DGKE: variants seen among roughly 807,000 people sequenced by gnomAD.
DGKE encodes diacylglycerol kinase epsilon.
Under a neutral mutation model 70.0 loss-of-function variants are expected in DGKE, and 53 were observed. The ratio of observed to expected loss-of-function variants is 0.76; its 90% confidence interval spans 0.61 to 0.95. The LOEUF (loss-of-function observed/expected upper bound fraction) is 0.95. Ranked by LOEUF, DGKE falls within the 40% of genes least tolerant of loss-of-function variation. The probability of loss-of-function intolerance (pLI) is 0.00; values close to 1 mark genes in which losing one functional copy is unlikely to be tolerated. For missense variants in DGKE, 655 were observed against 706.9 expected (o/e 0.93, Z 0.83); for synonymous variants, 291 against 257.0 (o/e 1.13, Z -1.27).
chr17:56,851,502 C>T (rs1328439526), intron 7 of DGKE, among the ~76,000 whole-genome samples: 1 of 152,146 alleles, frequency 6.6e-6, no homozygotes. Context: ...TTGAGTGTCC[C>T]GTAGCAAAAG....
At chr17:56,848,973 G>T (rs988984111) in intron 6 of DGKE, 120 bp downstream of exon 6, 1 of 1,414,244 alleles carries the variant, frequency 7.1e-7, no homozygotes, top group Non-Finnish European at 9.7e-7. Flanking sequence ...TATACTAGTT[G>T]TACCTACACA....
chr17:56,844,051 A>ATGT lies in DGKE; in HGVS notation c.497_498insTGT (p.Glu166delinsAspVal). 1 of 1,568,374 alleles carries ATGT rather than the reference A, an allele frequency of 6.4e-7. No individual in the cohort carries two copies. The highest frequency in any genetic ancestry group is 8.6e-7 in the Non-Finnish European group (1 of 1,163,950). On this transcript the variant is annotated protein_altering_variant, in exon 3 of 12. Transcript: ENST00000284061. ...TGGTGCCAGAAAACAGTACATGATG[A>ATGT]GTGCATGAAAAATAGTTTAAAGAAT...
rs1402720870 is a variant in DGKE at position 56,834,988 on chromosome 17, A to G, written c.193A>G (p.Thr65Ala). 1 of 1,612,656 alleles carries G rather than the reference A, an allele frequency of 6.2e-7. No individual in the cohort carries two copies. Among genetic ancestry groups the G allele is most frequent in the Non-Finnish European group, 8.5e-7 (1 of 1,179,986 alleles). Residue 65 changes from threonine (T) to alanine (A), a missense_variant, in exon 2 of 12, where the codon ACG becomes GCG. Physicochemically the swap from Thr to Ala is moderately conservative, Grantham distance 58. Transcript: ENST00000284061. Reference protein sequence around the residue: ...FRKSKHGWRDTDLFSQPTYCC... With the variant: ...FRKSKHGWRDADLFSQPTYCC... ...CAAGAGCAAGCACGGGTGGCGCGAC[A>G]CGGACCTGTTCAGCCAGCCCACCTA...
intron 4 of DGKE, 137 bp from the exon 5 acceptor site, chr17:56,847,785 G>T: frequency 2.1e-6 from 1 of 476,634 alleles, no homozygotes; most frequent in East Asian, 4.0e-5. Context: ...GTCTGGCAGG[G>T]TGCCTGGCAT....
intron 2 of DGKE, among the ~76,000 whole-genome samples, chr17:56,840,152 G>A (rs141170570): frequency 3.9e-5 from 6 of 152,126 alleles, no homozygotes; most frequent in African/African-American, 1.4e-4. Flanking sequence ...CAACAAGAGC[G>A]AAACTCCATC....
At chr17:56,855,777 A>G (rs2144270956) in intron 7 of DGKE, among the ~76,000 whole-genome samples, 1 of 152,206 alleles carries the variant, frequency 6.6e-6, no homozygotes, top group South Asian at 2.1e-4. Context: ...AGGCAGAGGC[A>G]GGCGAATCAC....
chr17:56,857,916 T>C (rs1401566635), intron 8 of DGKE, among the ~76,000 whole-genome samples: 1 of 151,568 alleles, frequency 6.6e-6, no homozygotes, highest in Non-Finnish European at 1.5e-5. Flanking sequence ...CTACTAAAAA[T>C]ACAAAAATTA....
chr17:56,838,520 C>G (rs1332296275), intron 2 of DGKE: 1 of 152,186 alleles, frequency 6.6e-6, no homozygotes, highest in Non-Finnish European at 1.5e-5. Flanking sequence ...TTCACAAAAT[C>G]AGATGGCAGA....
chr17:56,859,360 A>G (rs1462625148), intron 9 of DGKE, among the ~76,000 whole-genome samples: 3 of 151,912 alleles, frequency 2.0e-5, no homozygotes, highest in East Asian at 1.9e-4. Flanking sequence ...AAATGTATAA[A>G]TAGTAAAAAT....
At chr17:56,839,916 C>T (rs1343039359) in intron 2 of DGKE, among the ~76,000 whole-genome samples, 4 of 152,156 alleles carry the variant, frequency 2.6e-5, no homozygotes, top group African/African-American at 9.7e-5. Context: ...CGCAGTGGCT[C>T]ATGCCTGTAA....
chr17:56,853,360 A>C (rs1645573672), intron 7 of DGKE, among the ~76,000 whole-genome samples: 1 of 152,194 alleles, frequency 6.6e-6, no homozygotes, highest in Admixed American at 6.5e-5. Flanking sequence ...AACAAATATC[A>C]AACAAATAAC....
chr17:56,862,312 T>G (rs752751710), intron 11 of DGKE, 61 bp downstream of exon 11: 2 of 1,447,438 alleles, frequency 1.4e-6, no homozygotes, highest in Admixed American at 1.8e-5. Flanking sequence ...GCTGTTGATA[T>G]GTAAAATATA....
intron 7 of DGKE, among the ~76,000 whole-genome samples, chr17:56,855,367 G>T (rs1242347913): frequency 1.3e-5 from 2 of 152,078 alleles, no homozygotes; most frequent in South Asian, 4.2e-4. Context: ...AGGTGCACTT[G>T]AGTAAAGTCA....
rs116997614 is a variant in DGKE, at chr17:56,834,477, G to T, written c.-19+217G>T. Reference sequence around the variant, plus strand: ...AGGGCAGCTTGCCCCTGTATGTTGCGCCCTTCCGTGGGTCAGACCGGCGGC... The same window carrying T: ...AGGGCAGCTTGCCCCTGTATGTTGCTCCCTTCCGTGGGTCAGACCGGCGGC... On this transcript the variant is annotated intron_variant, in intron 1 of 11. Coordinates refer to ENST00000284061, the MANE Select transcript of DGKE (RefSeq NM_003647.3). Among the ~76,000 whole-genome samples the T allele has an allele frequency of 0.056, 8,520 of 152,306 alleles. 292 individuals are homozygous for T. The highest frequency in any genetic ancestry group is 0.1 in the Admixed American group (1,540 of 15,308).
chr17:56,858,477 C>T, intron 8 of DGKE, 117 bp from the exon 9 acceptor site: 1 of 829,034 alleles, frequency 1.2e-6, no homozygotes, highest in South Asian at 2.0e-5. Context: ...TCTAGTCTAC[C>T]ATAAGGAGAA....
intron 4 of DGKE, 191 bp from the exon 5 acceptor site, chr17:56,847,730 GC>G (rs1442527180): frequency 3.3e-6 from 1 of 302,392 alleles, no homozygotes; most frequent in Non-Finnish European, 6.0e-6. Context: ...GCTAACTCTT[GC>G]TTTGTAAAGT....
At chr17:56,840,059 G>A (rs1785459459) in intron 2 of DGKE, among the ~76,000 whole-genome samples, 1 of 152,072 alleles carries the variant, frequency 6.6e-6, no homozygotes, top group African/African-American at 2.4e-5. Flanking sequence ...AGCTACTCGG[G>A]AGGCTGAGGC....
chr17:56,862,380 C>A, intron 11 of DGKE, 129 bp downstream of exon 11: 1 of 928,302 alleles, frequency 1.1e-6, no homozygotes, highest in Non-Finnish European at 1.6e-6. Flanking sequence ...TCACTGTACA[C>A]TAGCGGCTAG....
At chr17:56,855,284 A>C (rs1167387634) in intron 7 of DGKE, among the ~76,000 whole-genome samples, 1 of 152,212 alleles carries the variant, frequency 6.6e-6, no homozygotes, top group Non-Finnish European at 1.5e-5. Flanking sequence ...CGGGAAAAGC[A>C]TGAAAAGAAC....
Sources: allele counts gnomAD v4.1 joint callset (sites outside exome capture counted in the v4.1 genomes callset), GRCh38; gene constraint gnomAD v4.1.1; transcripts MANE v1.5; gene names NCBI Gene and HGNC (gene_info 2026-07-23, HGNC 2026-07-21).